The following CSRP3 variants were observed in gnomAD, a reference collection of about 807,000 sequenced individuals.
CSRP3 encodes the protein cysteine and glycine rich protein 3, also known as cysteine and glycine-rich protein 3.
In CSRP3, 24 loss-of-function variants were observed where a neutral mutation model predicts 24.3. That is an observed-to-expected ratio of 0.99 (90% CI 0.71 to 1.39). The LOEUF (loss-of-function observed/expected upper bound fraction) is 1.39. Among genes scored for constraint, CSRP3 ranks in the 40% most tolerant of loss-of-function variants. The pLI, the probability that CSRP3 is intolerant of heterozygous loss-of-function variation, is 0.00. For missense variants in CSRP3, 240 were observed against 249.0 expected, an observed-to-expected ratio of 0.96 and a Z score of 0.24; for synonymous variants, 105 against 94.0, an observed-to-expected ratio of 1.12 and a Z score of -0.68.
At chr11:19,182,819 G>C in intron 5 of CSRP3, 73 bp from the exon 6 acceptor site, 1 of 1,031,764 alleles carries the variant, frequency 9.7e-7, no homozygotes, top group Non-Finnish European at 1.5e-6. Flanking sequence ...CTTTCTGTCT[G>C]AGCACAGTCC....
Position 19,183,606 on chromosome 11 carries a change from G to A in CSRP3, c.509-860C>T, listed in dbSNP as rs186300589. Among the ~76,000 whole-genome samples, 45 of 152,036 alleles carry A rather than the reference G, an allele frequency of 3.0e-4. 1 individual carries two copies. Among genetic ancestry groups the A allele is most frequent in the Middle Eastern group, 6.8e-3 (2 of 294 alleles). ...TAGACTTTTTTTTTCACTTTGCAAT[G>A]CAATTATTCATTTACATGTTAATTT... On this transcript the variant is annotated intron_variant, in intron 5 of 5. Transcript: ENST00000265968.
chr11:19,192,573 A>ATT, intron 1 of CSRP3, 97 bp from the exon 2 acceptor site: 1 of 729,838 alleles, frequency 1.4e-6, no homozygotes, highest in Non-Finnish European at 2.4e-6. Context: ...ATCCAGCCCA[A>ATT]TTTTTTTTTA....
At chr11:19,193,330 G>A (rs978897192) in intron 1 of CSRP3, among the ~76,000 whole-genome samples, 1 of 152,094 alleles carries the variant, frequency 6.6e-6, no homozygotes, top group Non-Finnish European at 1.5e-5. Flanking sequence ...GACATGATGT[G>A]CAGGAAGGTC....
At chr11:19,189,362 T>C (rs537278227) in intron 2 of CSRP3, among the ~76,000 whole-genome samples, 79 of 152,338 alleles carry the variant, frequency 5.2e-4, no homozygotes, top group African/African-American at 1.8e-3. Flanking sequence ...TTAAAAGATA[T>C]AGAATTTCCA....
intron 3 of CSRP3, among the ~76,000 whole-genome samples, chr11:19,186,929 G>T (rs566997417): frequency 2.6e-5 from 4 of 152,254 alleles, no homozygotes; most frequent in Non-Finnish European, 4.4e-5. Flanking sequence ...CTCATGTGTT[G>T]GTATCTTTTG....
Position 19,183,525 on chromosome 11 carries a change from C to T in CSRP3, c.509-779G>A, listed in dbSNP as rs1850472959. 2.6e-5 allele frequency among the ~76,000 whole-genome samples: 4 copies of T among 152,208 alleles called. No homozygotes were observed. The South Asian group carries it at 6.2e-4, about 24-fold the overall frequency. ...CTTGTGAGAAGCTTTCCCCATTACC[C>T]CAAGCTGGTTCCTCTCCTCTTTTTA... On this transcript the variant is annotated intron_variant, in intron 5 of 5. Transcript: ENST00000265968.
At chr11:19,199,687 G>C (rs936145505) in intron 1 of CSRP3, among the ~76,000 whole-genome samples, 2 of 152,102 alleles carry the variant, frequency 1.3e-5, no homozygotes, top group Admixed American at 1.3e-4. Context: ...GCTAGTACTC[G>C]TTCCATGCCT....
At position 19,188,159 on chromosome 11, in the gene CSRP3, C is replaced by T. The variant is rs182798086; in HGVS notation, c.258G>A (p.Glu86=). The change falls in exon 3 of 6, where the codon GAG becomes GAA. Residue 86 remains glutamate (E), a synonymous_variant. Transcript: ENST00000265968. ...GAGCLSTDTG[E]HLGLQFQQSP... is the part of the protein sequence containing the mutation. ...ACTGTTGGAACTGCAGGCCGAGATG[C>T]TCGCCCGTGTCTGTGCTGAGACAGC... The T allele has an allele frequency of 7.4e-6, 12 of 1,614,184 alleles. No individual in the cohort carries two copies. In the East Asian group the frequency reaches 2.7e-4, roughly 36 times the overall value.
intron 1 of CSRP3, among the ~76,000 whole-genome samples, 157 bp from the exon 2 acceptor site, chr11:19,192,633 T>C (rs1850635169): frequency 6.6e-6 from 1 of 152,202 alleles, no homozygotes; most frequent in South Asian, 2.1e-4. Flanking sequence ...GTGCTAGTCA[T>C]TAAATAAGCT....
At chr11:19,184,464 C>T (rs1488248859) in intron 5 of CSRP3, among the ~76,000 whole-genome samples, 1 of 152,208 alleles carries the variant, frequency 6.6e-6, no homozygotes, top group Non-Finnish European at 1.5e-5. Flanking sequence ...ACATCGACAA[C>T]AGAACTGTTA....
chr11:19,191,104 C>T (rs2133514674), intron 2 of CSRP3, among the ~76,000 whole-genome samples: 1 of 152,260 alleles, frequency 6.6e-6, no homozygotes, highest in East Asian at 1.9e-4. Flanking sequence ...ACAACCTGTG[C>T]AGTAGGTATA....
intron 1 of CSRP3, chr11:19,196,935 G>C (rs889046081): frequency 3.9e-5 from 6 of 152,196 alleles, no homozygotes; most frequent in African/African-American, 1.4e-4. Context: ...AGACTACCTT[G>C]TGCCCACTTT....
At chr11:19,184,616 G>A (rs1283570031) in intron 5 of CSRP3, among the ~76,000 whole-genome samples, 2 of 152,232 alleles carry the variant, frequency 1.3e-5, no homozygotes, top group Non-Finnish European at 2.9e-5. Context: ...TGTGGTGTTA[G>A]TTGTCCTGGC....
intron 1 of CSRP3, among the ~76,000 whole-genome samples, chr11:19,197,506 T>TCTTTCTTTCTTC (rs1850750237): frequency 1.7e-5 from 1 of 58,058 alleles, no homozygotes; most frequent in African/African-American, 6.9e-5. Flanking sequence ...TTTTCCTCTT[T>TCTTTCTTTCTTC]CTTTCTTTCT....
intron 4 of CSRP3, among the ~76,000 whole-genome samples, 191 bp from the exon 5 acceptor site, chr11:19,185,236 C>T (rs1003633848): frequency 6.6e-6 from 1 of 152,198 alleles, no homozygotes; most frequent in African/African-American, 2.4e-5. Flanking sequence ...TTCTCAGAAG[C>T]CTGAAAATGG....
Position 19,188,294 on chromosome 11 carries a change from C to G in CSRP3, c.123G>C (p.Arg41Ser). 1 of 1,612,432 alleles carries G rather than the reference C, an allele frequency of 6.2e-7. No individual in the cohort carries two copies. The highest frequency in any genetic ancestry group is 8.5e-7 in the Non-Finnish European group (1 of 1,180,028). The part of the protein sequence containing the change: ...HKTCFHCMAC[R>S]KALDSTTVAA... ...CGACTGTCGTGCTGTCAAGAGCCTT[C>G]CTGCAGGCCACTGCCAGGAAAAGGA... Residue 41 changes from arginine (R) to serine (S), a missense_variant, in exon 3 of 6, where the codon AGG (arginine) becomes AGC (serine). Physicochemically the swap from Arg to Ser is moderately radical, Grantham distance 110 (BLOSUM62 -1). Transcript: ENST00000265968.
chr11:19,183,922 G>A (rs1159614030), intron 5 of CSRP3, among the ~76,000 whole-genome samples: 2 of 152,118 alleles, frequency 1.3e-5, no homozygotes, highest in Admixed American at 1.3e-4. Context: ...GAGATCTGAT[G>A]GTTTTATAAA....
At chr11:19,193,750 G>A (rs936958640) in intron 1 of CSRP3, among the ~76,000 whole-genome samples, 6 of 152,136 alleles carry the variant, frequency 3.9e-5, no homozygotes, top group African/African-American at 1.2e-4. Flanking sequence ...CCCAGGAGGC[G>A]GAGGTTGCAG....
chr11:19,187,671 C>T (rs1325783752), intron 3 of CSRP3, among the ~76,000 whole-genome samples: 1 of 152,208 alleles, frequency 6.6e-6, no homozygotes, highest in Admixed American at 6.5e-5. Context: ...CTCTGAGGCA[C>T]AGCCCATCCT....
Sources: allele counts gnomAD v4.1 joint callset (sites outside exome capture counted in the v4.1 genomes callset), GRCh38; gene constraint gnomAD v4.1.1; transcripts MANE v1.5; gene names NCBI Gene and HGNC (gene_info 2026-07-23, HGNC 2026-07-21).